ZKSCAN7: variants seen among roughly 807,000 people sequenced by gnomAD.
The protein encoded by ZKSCAN7 is zinc finger with KRAB and SCAN domains 7, also known as zinc finger protein with KRAB and SCAN domains 7.
In ZKSCAN7, 38 loss-of-function variants were observed where a neutral mutation model predicts 65.3. The ratio of observed to expected loss-of-function variants is 0.58; its 90% CI spans 0.45 to 0.76. The LOEUF (loss-of-function observed/expected upper bound fraction) is 0.76. Ranked by LOEUF, ZKSCAN7 falls within the 30% of genes least tolerant of loss-of-function variation. The probability of loss-of-function intolerance (pLI) is 0.00; values close to 1 mark genes in which losing one functional copy is unlikely to be tolerated. For synonymous variants in ZKSCAN7, 321 were observed against 321.0 expected, an observed-to-expected ratio of 1.00 and a Z score of 0.00; for missense variants, 815 against 913.3, an observed-to-expected ratio of 0.89 and a Z score of 1.39.
chr3:44,581,902 C>G (rs371636813), intron 5 of ZKSCAN7, among the ~76,000 whole-genome samples: 15 of 152,204 alleles, frequency 9.9e-5, no homozygotes, highest in African/African-American at 1.9e-4. Context: ...TGTTGGGAGA[C>G]AGTTCTGTCA....
At chr3:44,581,101 C>A (rs1307267745) in intron 5 of ZKSCAN7, 2 of 1,008,406 alleles carry the variant, frequency 2.0e-6, no homozygotes, top group South Asian at 4.5e-5. Context: ...TCAGCGCGGC[C>A]GCCGCCGCAT....
intron 5 of ZKSCAN7, among the ~76,000 whole-genome samples, chr3:44,579,024 A>C (rs1344774670): frequency 2.0e-5 from 3 of 152,124 alleles, no homozygotes; most frequent in Non-Finnish European, 4.4e-5. Context: ...TCGTGTGTGG[A>C]GAGCCGGTCA....
chr3:44,570,675 C>A lies in ZKSCAN7; in HGVS notation c.1565C>A (p.Pro522His). 1 of 1,614,072 alleles carries A rather than the reference C, an allele frequency of 6.2e-7. No individual in the cohort carries two copies. Among genetic ancestry groups the A allele is most frequent in the Non-Finnish European group, 8.5e-7 (1 of 1,179,996 alleles). ...CAGGTCCTGCACACTGGTAAGAAACCTTACAAATGCAATGAGTGTGGGAGA... is the reference window on the plus strand; with the variant it reads ...CAGGTCCTGCACACTGGTAAGAAACATTACAAATGCAATGAGTGTGGGAGA... ...RHQVLHTGKK[P>H]YKCNECGRAF... Residue 522 changes from proline to histidine, a missense_variant, in exon 6 of 6, where the codon CCT becomes CAT. Pro to His is a moderately conservative substitution (Grantham distance 77). Coordinates refer to ENST00000426540, the MANE Select transcript of ZKSCAN7 (RefSeq NM_001288590.2).
chr3:44,573,524 G>A (rs768404202), downstream of ZKSCAN7, among the ~76,000 whole-genome samples: 2 of 152,170 alleles, frequency 1.3e-5, no homozygotes, highest in Non-Finnish European at 2.9e-5. Context: ...GGACAGAACT[G>A]AAAATTTGCC....
intron 5 of ZKSCAN7, among the ~76,000 whole-genome samples, chr3:44,577,293 G>GT (rs901967393): frequency 1.7e-4 from 24 of 137,184 alleles, no homozygotes; most frequent in East Asian, 1.4e-3. Context: ...TTTTTTTTTT[G>GT]TTTTTTTTTA....
At position 44,570,963 on chromosome 3, in the gene ZKSCAN7, T is replaced by G; in HGVS notation, c.1853T>G (p.Leu618Arg). The part of the protein sequence containing the change: ...ECSECGKAFG[L>R]SKCLIRHQRL... Reference sequence around the variant, plus strand: ...AGCGAGTGTGGTAAGGCATTTGGTCTGAGTAAATGTCTTATTCGGCACCAG... The same window carrying G: ...AGCGAGTGTGGTAAGGCATTTGGTCGGAGTAAATGTCTTATTCGGCACCAG... Residue 618 changes from leucine (L) to arginine (R), a missense_variant, in exon 6 of 6, where the codon CTG becomes CGG. This residue lies in a region of ZKSCAN7 where 578 missense variants were observed against 629.5 expected (regional missense o/e 0.92). Transcript: ENST00000426540. The G allele has an allele frequency of 6.2e-7, 1 of 1,614,122 alleles. No individual in the cohort carries two copies. Among genetic ancestry groups the G allele is most frequent in the Non-Finnish European group, 8.5e-7 (1 of 1,180,028 alleles).
Position 44,565,584 on chromosome 3 carries a change from G to A in ZKSCAN7, c.521G>A (p.Gly174Asp). 6.2e-7 allele frequency: 1 copy of A among 1,612,606 alleles called. No individual in the cohort carries two copies. Among genetic ancestry groups the A allele is most frequent in the Non-Finnish European group, 8.5e-7 (1 of 1,179,456 alleles). The stretch of plus-strand genomic sequence containing the variant: ...CCTCCTACCTCACCCCTCAGTGGGG[G>A]CTCAGCCCCTGGAGCCCACCTGGAG... ...ESPPTSPLSG[G>D]SAPGAHLEPP... The change falls in exon 3 of 6, where the codon GGC becomes GAC. Residue 174 changes from glycine (G) to aspartate (D), a missense_variant. Physicochemically the swap from Gly to Asp is moderately conservative, Grantham distance 94. Transcript: ENST00000426540.
chr3:44,565,175 C>G (rs2125716169), intron 2 of ZKSCAN7, among the ~76,000 whole-genome samples: 2 of 152,294 alleles, frequency 1.3e-5, no homozygotes, highest in African/African-American at 4.8e-5. Flanking sequence ...GCTCTCCTGG[C>G]TCCCTTTTTA....
At chr3:44,569,041 A>AGTGCCTTAATT (rs1699717695) in intron 5 of ZKSCAN7, among the ~76,000 whole-genome samples, 1 of 152,230 alleles carries the variant, frequency 6.6e-6, no homozygotes, top group African/African-American at 2.4e-5. Context: ...GCTACTCGTA[A>AGTGCCTTAATT]GTGCCTTAAT....
chr3:44,557,181 A>G lies in ZKSCAN7; in HGVS notation c.134A>G (p.Asn45Ser), dbSNP rs772730190. The part of the protein sequence containing the change: ...TWGQGSSLQK[N>S]YPPVCEIFRL... ...GGGCAGGGCAGCAGTCTCCAGAAGA[A>G]CTATCCTCCTGTCTGCGAAATCTTC... The change falls in exon 2 of 6, where the codon AAC (asparagine) becomes AGC (serine). Residue 45 changes from asparagine (N) to serine (S), a missense_variant. Physicochemically the swap from Asn to Ser is conservative, Grantham distance 46. Coordinates refer to ENST00000426540, the MANE Select transcript of ZKSCAN7 (RefSeq NM_001288590.2). The G allele has an allele frequency of 2.0e-5, 32 of 1,614,126 alleles. No homozygotes were observed. In the South Asian group the frequency reaches 3.0e-4, roughly 15 times the overall value.
downstream of ZKSCAN7, among the ~76,000 whole-genome samples, chr3:44,574,601 A>G (rs1158576806): frequency 1.3e-5 from 2 of 152,172 alleles, no homozygotes; most frequent in Admixed American, 1.3e-4. Context: ...TTCTAATATT[A>G]TTTCTAGAGG....
At chr3:44,558,782 ATTTT>A (rs35709621) in intron 2 of ZKSCAN7, among the ~76,000 whole-genome samples, 11 of 92,708 alleles carry the variant, frequency 1.2e-4, no homozygotes, top group Non-Finnish European at 2.2e-4. Context: ...TTTCTTCTTC[ATTTT>A]TTTTTTTTTT....
intron 2 of ZKSCAN7, among the ~76,000 whole-genome samples, chr3:44,563,718 G>A (rs1459264910): frequency 6.6e-6 from 1 of 151,958 alleles, no homozygotes; most frequent in African/African-American, 2.4e-5. Flanking sequence ...ATGAGATTTG[G>A]GCGGGGACAG....
chr3:44,580,980 A>C (rs1700064524), intron 5 of ZKSCAN7: 1 of 1,611,578 alleles, frequency 6.2e-7, no homozygotes, highest in African/African-American at 1.3e-5. Flanking sequence ...CTTGTTGAAG[A>C]TGTTGGCCTG....
At chr3:44,565,765 C>A in intron 3 of ZKSCAN7, 110 bp downstream of exon 3, 1 of 1,142,180 alleles carries the variant, frequency 8.8e-7, no homozygotes, top group Non-Finnish European at 1.2e-6. Context: ...CATTGCTCTG[C>A]TGTCTGTCCT....
At chr3:44,563,075 G>C (rs1279259532) in intron 2 of ZKSCAN7, among the ~76,000 whole-genome samples, 2 of 151,954 alleles carry the variant, frequency 1.3e-5, no homozygotes, top group Non-Finnish European at 2.9e-5. Context: ...AAATGCTGCT[G>C]GTCTCTTTGC....
chr3:44,574,780 A>G (rs116637026), downstream of ZKSCAN7, among the ~76,000 whole-genome samples: 1,405 of 151,482 alleles, frequency 9.3e-3, 26 homozygotes, highest in African/African-American at 0.033. Context: ...AAATATAAAA[A>G]TTGGCCAGGT....
intron 5 of ZKSCAN7, chr3:44,581,102 G>T: frequency 9.9e-7 from 1 of 1,005,900 alleles, no homozygotes; most frequent in Non-Finnish European, 1.2e-6. Flanking sequence ...CAGCGCGGCC[G>T]CCGCCGCATC....
chr3:44,580,000 C>A, intron 5 of ZKSCAN7: 1 of 1,582,400 alleles, frequency 6.3e-7, no homozygotes, highest in Non-Finnish European at 8.7e-7. Flanking sequence ...TTGGTGAAGT[C>A]CTGCTTGCTA....
Sources: gnomAD v4.1 joint callset for allele counts (sites outside exome capture counted in the v4.1 genomes callset) on GRCh38, gnomAD v4.1.1 for gene constraint, gnomAD v4.1.1 regional missense constraint, MANE v1.5 for transcripts, NCBI Gene and HGNC (gene_info 2026-07-23, HGNC 2026-07-21) for gene names.